Variants in OPN3 observed in about 807,000 individuals in gnomAD.
OPN3 encodes the protein opsin-3.
In OPN3, 29 loss-of-function variants were observed where a neutral mutation model predicts 33.8. The ratio of observed to expected loss-of-function variants is 0.86; its 90% confidence interval spans 0.64 to 1.17. The LOEUF is 1.17. Ranked by LOEUF, OPN3 falls within the 50% of genes most tolerant of loss-of-function variation. OPN3 has a pLI of 0.00. For synonymous variants in OPN3, 216 were observed against 216.1 expected (o/e 1.00, Z 0.00); for missense variants, 437 against 514.1 (o/e 0.85, Z 1.45).
Position 241,602,727 on chromosome 1 carries a change from T to C in OPN3, c.693+1533A>G, listed in dbSNP as rs776602049. On this transcript the variant is annotated intron_variant, in intron 2 of 3. Coordinates refer to ENST00000366554, the MANE Select transcript of OPN3 (RefSeq NM_014322.3). ...CAAGGACACTAATCCCCTAATCCCA[T>C]CAGACCAGAGCCCCATCCTCATGAC... is the stretch of plus-strand genomic sequence containing the variant. Among the ~76,000 whole-genome samples, 197 of 152,176 alleles carry C rather than the reference T, an allele frequency of 1.3e-3. 1 individual carries two copies. The highest frequency in any genetic ancestry group is 3.4e-3 in the Middle Eastern group (1 of 294).
chr1:241,607,155 C>G (rs980201565), intron 1 of OPN3, among the ~76,000 whole-genome samples: 1 of 152,110 alleles, frequency 6.6e-6, no homozygotes, highest in Non-Finnish European at 1.5e-5. Flanking sequence ...GCGAAATTTA[C>G]TAAATACTCA....
At position 241,594,478 on chromosome 1, in the gene OPN3, C is replaced by T. The variant is rs758193359; in HGVS notation, c.1159G>A (p.Asp387Asn). The T allele has an allele frequency of 1.1e-5, 17 of 1,613,940 alleles. No individual in the cohort carries two copies. In the East Asian group the frequency reaches 1.3e-4, roughly 13 times the overall value. Residue 387 changes from aspartate (D) to asparagine (N), a missense_variant, in exon 4 of 4, where the codon GAC (aspartate) becomes AAC (asparagine). Physicochemically the swap from Asp to Asn is conservative, Grantham distance 23. Coordinates refer to ENST00000366554, the MANE Select transcript of OPN3 (RefSeq NM_014322.3). ...SDESLSVDDSDKTNGSKVDVI... is the reference protein window; with the variant it reads ...SDESLSVDDSNKTNGSKVDVI... The stretch of plus-strand genomic sequence containing the variant: ...TCAACTTTGGACCCATTGGTTTTGT[C>T]GCTGTCGTCAACTGACAGTGATTCA...
chr1:241,601,208 T>A (rs1573951279), intron 2 of OPN3: 1 of 152,060 alleles, frequency 6.6e-6, no homozygotes, highest in African/African-American at 2.4e-5. Flanking sequence ...GGAGATGCCA[T>A]ACAGGACCTG....
rs888158457 is a variant in OPN3 at position 241,604,307 on chromosome 1, C to T, written c.646G>A (p.Gly216Ser). ...LFLGCLVVPL[G>S]VIAHCYGHIL... ...TGGCCATAGCAATGGGCTATGACAC[C>T]CAGGGGCACCACCAGGCAGCCAAGA... Residue 216 changes from glycine (G) to serine (S), a missense_variant, in exon 2 of 4, where the codon GGT (glycine) becomes AGT (serine). Transcript: ENST00000366554. The T allele has an allele frequency of 6.2e-7, 1 of 1,614,062 alleles. No homozygotes were observed.
chr1:241,594,781 A>C (rs1663448941), intron 3 of OPN3, 90 bp from the exon 4 acceptor site: 5 of 1,490,120 alleles, frequency 3.4e-6, no homozygotes, highest in Non-Finnish European at 1.8e-6. Flanking sequence ...AGCTGAATTT[A>C]AGTTGTTTTT....
chr1:241,632,848 A>G (rs1469490417), intron 1 of OPN3: 5 of 151,960 alleles, frequency 3.3e-5, no homozygotes, highest in Admixed American at 6.6e-5. Flanking sequence ...AGTATCTGTA[A>G]TCTCAGGTTA....
intron 1 of OPN3, among the ~76,000 whole-genome samples, chr1:241,610,196 C>T (rs924882565): frequency 2.6e-5 from 4 of 152,198 alleles, no homozygotes; most frequent in South Asian, 2.1e-4. Context: ...GCAAACTGCC[C>T]GGCATGTTCA....
chr1:241,606,886 T>C (rs1369295282), intron 1 of OPN3, among the ~76,000 whole-genome samples: 2 of 152,256 alleles, frequency 1.3e-5, no homozygotes, highest in Non-Finnish European at 2.9e-5. Flanking sequence ...AATAGCTCTG[T>C]AACTTTCAGC....
intron 1 of OPN3, chr1:241,631,925 A>G (rs999863742): frequency 2.0e-5 from 3 of 152,144 alleles, no homozygotes; most frequent in Non-Finnish European, 4.4e-5. Flanking sequence ...TAGAATCACA[A>G]AAGGCTGGGT....
At chr1:241,621,930 C>T (rs973072747) in intron 1 of OPN3, among the ~76,000 whole-genome samples, 1 of 151,920 alleles carries the variant, frequency 6.6e-6, no homozygotes, top group Non-Finnish European at 1.5e-5. Flanking sequence ...GGGTGTAGGT[C>T]CTGAATGATT....
intron 1 of OPN3, among the ~76,000 whole-genome samples, chr1:241,606,646 T>G (rs1294104492): frequency 1.3e-5 from 2 of 152,144 alleles, no homozygotes; most frequent in Non-Finnish European, 2.9e-5. Context: ...AGTGATTACA[T>G]GAACTGAAGT....
At chr1:241,619,383 A>G (rs1165199622) in intron 1 of OPN3, among the ~76,000 whole-genome samples, 4 of 152,190 alleles carry the variant, frequency 2.6e-5, no homozygotes, top group Non-Finnish European at 5.9e-5. Context: ...GCCAGCCCTG[A>G]GGAAAGGGCA....
chr1:241,622,831 C>G (rs1573961679), intron 1 of OPN3, among the ~76,000 whole-genome samples: 1 of 152,166 alleles, frequency 6.6e-6, no homozygotes, highest in Non-Finnish European at 1.5e-5. Flanking sequence ...TCTTATGTAA[C>G]TGGTAAGTCC....
At chr1:241,597,402 AACTTGTTTGTG>A (rs1663555730) in intron 3 of OPN3, among the ~76,000 whole-genome samples, 1 of 152,186 alleles carries the variant, frequency 6.6e-6, no homozygotes, top group Non-Finnish European at 1.5e-5. Flanking sequence ...ACTGGCTTGT[AACTTGTTTGTG>A]ACTTGCTTGT....
At chr1:241,594,929 C>T in intron 3 of OPN3, 1 of 452,954 alleles carries the variant, frequency 2.2e-6, no homozygotes, top group African/African-American at 2.0e-5. Flanking sequence ...CCTTGTAATC[C>T]TCCAAGCTTC....
intron 1 of OPN3, among the ~76,000 whole-genome samples, chr1:241,613,604 A>C (rs1664051798): frequency 6.6e-6 from 1 of 152,204 alleles, no homozygotes; most frequent in Non-Finnish European, 1.5e-5. Flanking sequence ...AAATTGAAGA[A>C]TTTTAGAGAA....
At chr1:241,625,873 C>T (rs1664407672) in intron 1 of OPN3, among the ~76,000 whole-genome samples, 1 of 152,154 alleles carries the variant, frequency 6.6e-6, no homozygotes, top group South Asian at 2.1e-4. Context: ...GGGAGCTGAC[C>T]TGCATTGCAG....
intron 3 of OPN3, among the ~76,000 whole-genome samples, chr1:241,596,502 G>T (rs759391094): frequency 2.6e-5 from 4 of 152,162 alleles, no homozygotes; most frequent in African/African-American, 9.7e-5. Context: ...AGTTTATGGA[G>T]AGTGTAAGCC....
At chr1:241,609,688 C>T (rs950293286) in intron 1 of OPN3, among the ~76,000 whole-genome samples, 2 of 152,188 alleles carry the variant, frequency 1.3e-5, no homozygotes, top group Non-Finnish European at 2.9e-5. Flanking sequence ...TCCCAGTGGA[C>T]TACTGGCTTC....
Sources: allele counts gnomAD v4.1 joint callset (sites outside exome capture counted in the v4.1 genomes callset), GRCh38; gene constraint gnomAD v4.1.1; transcripts MANE v1.5; gene names NCBI Gene and HGNC (gene_info 2026-07-23, HGNC 2026-07-21).